Variants in PTPRM observed in about 807,000 individuals in gnomAD.
PTPRM encodes the protein receptor-type tyrosine-protein phosphatase mu.
In PTPRM, 47 loss-of-function variants were observed where a neutral mutation model predicts 186.7. The ratio of observed to expected loss-of-function variants is 0.25; its 90% CI spans 0.20 to 0.32. PTPRM has a LOEUF of 0.32. Among genes scored for constraint, PTPRM ranks in the 10% least tolerant of loss-of-function variants. PTPRM has a pLI of 1.00. For missense variants in PTPRM, 1,494 were observed against 1,865.0 expected (o/e 0.80, Z 3.66); for synonymous variants, 668 against 674.9 (o/e 0.99, Z 0.16).
At chr18:8,302,513 T>A (rs1028824449) in intron 20 of PTPRM, among the ~76,000 whole-genome samples, 3 of 151,982 alleles carry the variant, frequency 2.0e-5, no homozygotes, top group African/African-American at 7.3e-5. Context: ...GTTAATAAAA[T>A]TTCATTGGAA....
At chr18:7,843,012 GT>G (rs2046429886) in intron 2 of PTPRM, among the ~76,000 whole-genome samples, 1 of 146,640 alleles carries the variant, frequency 6.8e-6, no homozygotes. Context: ...GGAGATTCAT[GT>G]AGTGCCTTTA....
At chr18:7,728,178 A>C (rs1202020196) in intron 1 of PTPRM, among the ~76,000 whole-genome samples, 2 of 152,226 alleles carry the variant, frequency 1.3e-5, no homozygotes, top group Non-Finnish European at 2.9e-5. Flanking sequence ...TTCATACTTA[A>C]CAGTATTTCA....
At chr18:7,685,778 C>T (rs1157878847) in intron 1 of PTPRM, among the ~76,000 whole-genome samples, 2 of 152,022 alleles carry the variant, frequency 1.3e-5, no homozygotes, top group African/African-American at 4.8e-5. Flanking sequence ...AGCCACTAGG[C>T]AAGGTCAGGC....
chr18:7,717,382 G>A (rs1043296911), intron 1 of PTPRM, among the ~76,000 whole-genome samples: 1 of 152,108 alleles, frequency 6.6e-6, no homozygotes, highest in Non-Finnish European at 1.5e-5. Flanking sequence ...GATCAGAGAC[G>A]GCTGGACTTG....
intron 1 of PTPRM, among the ~76,000 whole-genome samples, chr18:7,764,672 T>G (rs1432733577): frequency 1.3e-5 from 2 of 152,176 alleles, no homozygotes; most frequent in Non-Finnish European, 2.9e-5. Context: ...AGAATTTGCA[T>G]TTCTGAGTTC....
At chr18:8,125,963 ATG>A (rs1308091148) in intron 13 of PTPRM, among the ~76,000 whole-genome samples, 1 of 128,262 alleles carries the variant, frequency 7.8e-6, no homozygotes, top group African/African-American at 2.9e-5. Flanking sequence ...AGAATGCTAT[ATG>A]TGTGTGTATA....
chr18:8,309,650 GTGCTCCACCA>G (rs2147993199), intron 20 of PTPRM, among the ~76,000 whole-genome samples: 1 of 152,124 alleles, frequency 6.6e-6, no homozygotes, highest in African/African-American at 2.4e-5. Context: ...GACTACAGGT[GTGCTCCACCA>G]TGCTAGGCTA....
chr18:7,739,257 T>C (rs968988385), intron 1 of PTPRM, among the ~76,000 whole-genome samples: 3 of 152,220 alleles, frequency 2.0e-5, no homozygotes, highest in African/African-American at 7.2e-5. Context: ...TTGAGTTCTT[T>C]GACAACTTCT....
At chr18:7,639,219 T>C (rs2038387863) in intron 1 of PTPRM, among the ~76,000 whole-genome samples, 1 of 151,792 alleles carries the variant, frequency 6.6e-6, no homozygotes, top group South Asian at 2.1e-4. Context: ...GGGCTACAGA[T>C]GCCTGCCACC....
At chr18:8,244,388 A>T (rs2094458782) in intron 15 of PTPRM, among the ~76,000 whole-genome samples, 179 bp downstream of exon 15, 2 of 152,120 alleles carry the variant, frequency 1.3e-5, no homozygotes, top group Admixed American at 1.3e-4. Context: ...AGATGTTCTA[A>T]AGGTGATAGG....
chr18:7,952,972 C>T (rs1250019208), intron 6 of PTPRM, among the ~76,000 whole-genome samples: 1 of 152,176 alleles, frequency 6.6e-6, no homozygotes, highest in Non-Finnish European at 1.5e-5. Context: ...TGCCACTGCA[C>T]TGCAGCCTCG....
chr18:7,796,914 C>T (rs575698248), intron 2 of PTPRM, among the ~76,000 whole-genome samples: 17 of 152,192 alleles, frequency 1.1e-4, no homozygotes, highest in Non-Finnish European at 1.6e-4. Context: ...TTTTAGGGAC[C>T]AAACAATTAT....
intron 7 of PTPRM, among the ~76,000 whole-genome samples, chr18:8,002,282 T>C (rs2147779863): frequency 6.6e-6 from 1 of 152,318 alleles, no homozygotes; most frequent in African/African-American, 2.4e-5. Flanking sequence ...TAGAAGCAAA[T>C]GTTCAGAAGG....
chr18:7,748,570 G>A (rs560367771), intron 1 of PTPRM, among the ~76,000 whole-genome samples: 16 of 152,236 alleles, frequency 1.1e-4, no homozygotes, highest in Non-Finnish European at 2.1e-4. Context: ...AATCAGCTCC[G>A]GGCTACTTAC....
chr18:7,756,284 C>T (rs1366783102), intron 1 of PTPRM, among the ~76,000 whole-genome samples: 1 of 152,184 alleles, frequency 6.6e-6, no homozygotes, highest in Non-Finnish European at 1.5e-5. Context: ...CTGTGCATCC[C>T]TCATTCTTCT....
intron 7 of PTPRM, among the ~76,000 whole-genome samples, chr18:7,987,164 C>T (rs1019252172): frequency 3.3e-5 from 5 of 152,148 alleles, no homozygotes; most frequent in African/African-American, 1.2e-4. Flanking sequence ...TGTAACTGTC[C>T]TCCAAAAATC....
At chr18:7,926,906 G>C (rs2051205560) in intron 5 of PTPRM, among the ~76,000 whole-genome samples, 1 of 150,786 alleles carries the variant, frequency 6.6e-6, no homozygotes, top group African/African-American at 2.4e-5. Context: ...TAGTCATCTT[G>C]CTTGGAAGAT....
intron 7 of PTPRM, among the ~76,000 whole-genome samples, chr18:8,046,007 A>G (rs2087023119): frequency 6.6e-6 from 1 of 152,150 alleles, no homozygotes; most frequent in South Asian, 2.1e-4. Context: ...TGTCAAGGGT[A>G]GTGTCATGGG....
At chr18:7,661,385 T>C (rs1046359203) in intron 1 of PTPRM, among the ~76,000 whole-genome samples, 10 of 152,260 alleles carry the variant, frequency 6.6e-5, no homozygotes, top group East Asian at 5.8e-4. Flanking sequence ...AAACTGCTCA[T>C]GTGGGATTCT....
Sources: gnomAD v4.1 joint callset for allele counts (sites outside exome capture counted in the v4.1 genomes callset) on GRCh38, gnomAD v4.1.1 for gene constraint, MANE v1.5 for transcripts, NCBI Gene and HGNC (gene_info 2026-07-23, HGNC 2026-07-21) for gene names.